Variants in PCDH15 observed in about 807,000 individuals in gnomAD.
The protein encoded by PCDH15 is protocadherin-15.
In PCDH15, 129 loss-of-function variants were observed where a neutral mutation model predicts 178.5. The observed-to-expected ratio is 0.72, with a 90% confidence interval of 0.63 to 0.84. PCDH15 has a LOEUF of 0.84. Ranked by LOEUF, PCDH15 falls within the 40% of genes least tolerant of loss-of-function variation. The pLI is 0.00. For missense variants in PCDH15, 2,230 were observed against 2,099.9 expected (o/e 1.06, Z -1.21); for synonymous variants, 800 against 732.0 (o/e 1.09, Z -1.50).
At chr10:54,873,677 T>C (rs1954081146) in intron 3 of PCDH15, among the ~76,000 whole-genome samples, 1 of 138,364 alleles carries the variant, frequency 7.2e-6, no homozygotes, top group African/African-American at 2.7e-5. Context: ...ATAAAAAATC[T>C]GAAGAAACTG....
intron 2 of PCDH15, among the ~76,000 whole-genome samples, chr10:54,928,853 A>T (rs1035154070): frequency 6.6e-6 from 1 of 152,020 alleles, no homozygotes; most frequent in African/African-American, 2.4e-5. Flanking sequence ...TCATAACTTT[A>T]TTGGATTGAG....
In PCDH15 at chr10:55,288,080, T is replaced by TTA. The variant is rs747096681; in HGVS notation, c.-156+31517_-156+31518dup. Among the ~76,000 whole-genome samples the TTA allele has an allele frequency of 1.5e-3, 218 of 149,980 alleles. 3 individuals are homozygous for TTA. Among genetic ancestry groups the TTA allele is most frequent in the South Asian group, 0.013 (60 of 4,796 alleles). Reference sequence around the variant, plus strand: ...CGATACTTAATATATATATATTAATTTATATATATATGTGTAAGATTTTCT... The same window carrying TTA: ...CGATACTTAATATATATATATTAATTTATATATATATATGTGTAAGATTTTCT... On this transcript the variant is annotated intron_variant, in intron 1 of 5. Coordinates refer to the PCDH15 transcript ENST00000458638.
chr10:55,348,642 T>C (rs1191284889), intron 2 of PCDH15, among the ~76,000 whole-genome samples: 2 of 152,132 alleles, frequency 1.3e-5, no homozygotes, highest in African/African-American at 4.8e-5. Context: ...GAAGACTATC[T>C]TGGTAGAGAC....
chr10:54,871,126 T>A (rs934977019), intron 3 of PCDH15, among the ~76,000 whole-genome samples: 1 of 152,136 alleles, frequency 6.6e-6, no homozygotes, highest in African/African-American at 2.4e-5. Context: ...TTTGGTTGCA[T>A]TCACAGAGCA....
intron 3 of PCDH15, among the ~76,000 whole-genome samples, chr10:54,492,677 T>C (rs920477307): frequency 6.6e-6 from 1 of 152,156 alleles, no homozygotes; most frequent in Admixed American, 6.6e-5. Context: ...AGAATAAGGA[T>C]GAGTACAGTA....
chr10:54,594,641 A>G (rs1052508468), intron 2 of PCDH15, among the ~76,000 whole-genome samples: 1 of 152,182 alleles, frequency 6.6e-6, no homozygotes, highest in African/African-American at 2.4e-5. Context: ...ACTCGCTGCC[A>G]GCGATCCCCA....
At chr10:54,030,064 A>G (rs2135409805) in intron 18 of PCDH15, among the ~76,000 whole-genome samples, 1 of 152,292 alleles carries the variant, frequency 6.6e-6, no homozygotes, top group South Asian at 2.1e-4. Context: ...AGAAAATTTT[A>G]TGACAAAAAT....
At chr10:54,996,054 G>A (rs1839635862) in intron 2 of PCDH15, among the ~76,000 whole-genome samples, 1 of 152,104 alleles carries the variant, frequency 6.6e-6, no homozygotes, top group African/African-American at 2.4e-5. Context: ...TGGGGAGCAG[G>A]ACCTATACTG....
intron 3 of PCDH15, among the ~76,000 whole-genome samples, chr10:54,500,563 T>A (rs1388016258): frequency 6.6e-6 from 1 of 152,016 alleles, no homozygotes; most frequent in African/African-American, 2.4e-5. Context: ...GGCCCGGTGG[T>A]TCACAGGTGT....
chr10:53,821,339 TCTC>T, intron 32 of PCDH15: 1 of 989,716 alleles, frequency 1.0e-6, no homozygotes, highest in African/African-American at 1.7e-5. Context: ...ATGTCTGTCA[TCTC>T]CTACAATCTA....
At chr10:54,582,332 T>A (rs2091113199) in intron 2 of PCDH15, among the ~76,000 whole-genome samples, 1 of 152,062 alleles carries the variant, frequency 6.6e-6, no homozygotes, top group Non-Finnish European at 1.5e-5. Flanking sequence ...GACAAAATAT[T>A]CCATAAAGAT....
chr10:55,559,901 C>T lies in PCDH15; in HGVS notation c.-156+67724G>A, dbSNP rs567159477. On this transcript the variant is annotated intron_variant, in intron 2 of 5. Transcript: ENST00000613346. The stretch of plus-strand genomic sequence containing the variant: ...CAAAGTACCAAAAGACTCTTACAAA[C>T]ACTGTACTTTCCAATGATCACTAAA... Among the ~76,000 whole-genome samples, 12 of 152,006 alleles carry T rather than the reference C, an allele frequency of 7.9e-5. No homozygotes were observed. In the East Asian group the frequency reaches 2.3e-3, roughly 30 times the overall value.
chr10:55,024,105 A>G (rs915490342), intron 2 of PCDH15, among the ~76,000 whole-genome samples: 17 of 143,884 alleles, frequency 1.2e-4, no homozygotes, highest in Non-Finnish European at 2.2e-4. Context: ...AGGAATATAC[A>G]TATATATATA....
At chr10:55,539,074 GGCTTCCTTCCTCCCTTCCTT>G (rs370190032) in intron 2 of PCDH15, among the ~76,000 whole-genome samples, 2,689 of 120,776 alleles carry the variant, frequency 0.022, 101 homozygotes, top group African/African-American at 0.08. Context: ...CTCTCTTCCT[GGCTTCCTTCCTCCCTTCCTT>G]GCTTCCTTCC....
chr10:55,249,743 A>G (rs1841785194), intron 1 of PCDH15, among the ~76,000 whole-genome samples: 1 of 152,076 alleles, frequency 6.6e-6, no homozygotes, highest in Admixed American at 6.6e-5. Flanking sequence ...TTGGGAAAAT[A>G]AAATAAATAT....
At position 54,757,730 on chromosome 10, in the gene PCDH15, G is replaced by A. The variant is rs993807599; in HGVS notation, c.-29+43195C>T. Among the ~76,000 whole-genome samples, 4 of 152,070 alleles carry A rather than the reference G, an allele frequency of 2.6e-5. No individual in the cohort carries two copies. The South Asian group carries it at 6.2e-4, about 24-fold the overall frequency. On this transcript the variant is annotated intron_variant, in intron 1 of 37. Coordinates refer to ENST00000644397, the MANE Select transcript of PCDH15 (RefSeq NM_001384140.1). ...TATTCCTTAAAGTTTTATTTATGCC[G>A]AGAGAGAGACAGAGAGAGAGAGAAG...
chr10:53,851,234 A>G (rs2078335306), intron 28 of PCDH15, among the ~76,000 whole-genome samples: 2 of 151,992 alleles, frequency 1.3e-5, no homozygotes, highest in Non-Finnish European at 1.5e-5. Flanking sequence ...CTCTCTTCCA[A>G]AATTTTCTAC....
At chr10:55,126,957 C>T (rs1455600684) in intron 2 of PCDH15, among the ~76,000 whole-genome samples, 6 of 152,054 alleles carry the variant, frequency 3.9e-5, no homozygotes, top group African/African-American at 1.4e-4. Flanking sequence ...ATACTCTCTA[C>T]CAGAAACCCT....
intron 1 of PCDH15, among the ~76,000 whole-genome samples, chr10:54,710,126 C>T (rs993845298): frequency 2.0e-4 from 30 of 151,976 alleles, no homozygotes; most frequent in Admixed American, 1.4e-3. Context: ...ATGCTACTGA[C>T]GTGATCCTAC....
Sources: allele counts gnomAD v4.1 joint callset (sites outside exome capture counted in the v4.1 genomes callset), GRCh38; gene constraint gnomAD v4.1.1; transcripts MANE v1.5; gene names NCBI Gene and HGNC (gene_info 2026-07-23, HGNC 2026-07-21).